The following COA7 variants were observed in gnomAD, a reference collection of about 807,000 sequenced individuals.
The protein encoded by COA7 is cytochrome c oxidase assembly factor 7, also known as Sel1 repeat containing 1.
In COA7, 12 loss-of-function variants were observed where a neutral mutation model predicts 21.0. The observed-to-expected ratio is 0.57, with a 90% CI of 0.37 to 0.92. COA7 has a LOEUF of 0.92. Among genes scored for constraint, COA7 ranks in the 40% least tolerant of loss-of-function variants. COA7 has a pLI of 0.01. For synonymous variants in COA7, 95 were observed against 107.4 expected (o/e 0.88, Z 0.72); for missense variants, 240 against 286.1 (o/e 0.84, Z 1.16).
At chr1:52,688,260 TG>T (rs1396937566) in intron 2 of COA7, 92 bp from the exon 3 acceptor site, 1 of 957,086 alleles carries the variant, frequency 1.0e-6, no homozygotes, top group Non-Finnish European at 1.5e-6. Context: ...TTTTTTTTTT[TG>T]GAGAAAGGGT....
chr1:52,692,961 G>A, intron 1 of COA7, 94 bp from the exon 2 acceptor site: 1 of 1,383,058 alleles, frequency 7.2e-7, no homozygotes, highest in Non-Finnish European at 1.0e-6. Flanking sequence ...TGGCAGGCCA[G>A]GTGATGTCTT....
At position 52,687,860 on chromosome 1, in the gene COA7, C is replaced by A; in HGVS notation, c.556G>T (p.Ala186Ser). The change falls in exon 3 of 3, where the codon GCC becomes TCC. Residue 186 changes from alanine to serine, a missense_variant. This residue lies in a region of COA7 where 163 missense variants were observed against 214.1 expected (regional missense o/e 0.76). Coordinates refer to ENST00000371538, the MANE Select transcript of COA7 (RefSeq NM_023077.3). ...MKACDLGHIW[A>S]CANASRMYKL... is the part of the protein sequence containing the mutation. ...TACATGCGACTGGCATTGGCACAGG[C>A]CCAGATATGACCCAGGTCACAGGCT... is the stretch of plus-strand genomic sequence containing the variant. 6.2e-7 allele frequency: 1 copy of A among 1,614,250 alleles called. No homozygotes were observed. Among genetic ancestry groups the A allele is most frequent in the South Asian group, 1.1e-5 (1 of 91,090 alleles).
intron 2 of COA7, among the ~76,000 whole-genome samples, chr1:52,688,893 C>G (rs188339146): frequency 4.9e-4 from 74 of 152,194 alleles, no homozygotes; most frequent in Admixed American, 1.0e-3. Context: ...ATGACAAGCA[C>G]TTAATTGTTT....
intron 1 of COA7, among the ~76,000 whole-genome samples, chr1:52,695,073 C>T (rs964276447): frequency 6.6e-6 from 1 of 151,908 alleles, no homozygotes; most frequent in Non-Finnish European, 1.5e-5. Context: ...GCGGGTAGAT[C>T]ACTCGAGGTC....
In COA7 at chr1:52,687,959, G is replaced by A. The variant is rs774185486; in HGVS notation, c.457C>T (p.Leu153Phe). 7 of 1,614,196 alleles carry A rather than the reference G, an allele frequency of 4.3e-6. No homozygotes were observed. Among genetic ancestry groups the A allele is most frequent in the Non-Finnish European group, 5.9e-6 (7 of 1,180,048 alleles). Residue 153 changes from leucine to phenylalanine, a missense_variant, in exon 3 of 3, where the codon CTC becomes TTC. Physicochemically the swap from Leu to Phe is conservative, Grantham distance 22 (BLOSUM62 0). Coordinates refer to ENST00000371538, the MANE Select transcript of COA7 (RefSeq NM_023077.3). ...DGGYTSSCFN[L>F]SAMFLQGAPG... is the part of the protein sequence containing the mutation. ...GCACCCTGCAGGAACATGGCACTGA[G>A]GTTGAAGCAACTGGAAGTATAGCCA...
At chr1:52,689,293 T>A (rs1482823293) in intron 2 of COA7, among the ~76,000 whole-genome samples, 1 of 151,744 alleles carries the variant, frequency 6.6e-6, no homozygotes, top group Non-Finnish European at 1.5e-5. Flanking sequence ...AATGCTGGGA[T>A]TACAGGTGCA....
At chr1:52,692,906 G>A (rs774874011) in intron 1 of COA7, 39 bp from the exon 2 acceptor site, 2 of 1,611,804 alleles carry the variant, frequency 1.2e-6, no homozygotes, top group South Asian at 1.1e-5. Flanking sequence ...CATGTCTGGG[G>A]CTGCTGCTCG....
At chr1:52,692,618 C>A (rs1482802684) in intron 2 of COA7, 109 bp downstream of exon 2, 1 of 1,260,360 alleles carries the variant, frequency 7.9e-7, no homozygotes, top group Non-Finnish European at 1.1e-6. Context: ...TCCTACAATG[C>A]ACTTTCCCAA....
rs1644057048 is a variant in COA7, at chr1:52,692,791, G to A, written c.183C>T (p.Asn61=). The A allele has an allele frequency of 6.2e-7, 1 of 1,614,052 alleles. No homozygotes were observed. The highest frequency in any genetic ancestry group is 8.5e-7 in the Non-Finnish European group (1 of 1,180,028). The change falls in exon 2 of 3, where the codon AAC becomes AAT. Residue 61 remains asparagine, a synonymous_variant. Coordinates refer to ENST00000371538, the MANE Select transcript of COA7 (RefSeq NM_023077.3). ...FDEAAKVLKF[N]CEENQHSDSC... ...TATCACTGTGCTGGTTCTCTTCACA[G>A]TTAAACTTCAACACCTTGGCAGCCT...
chr1:52,688,487 A>G (rs1274415345), intron 2 of COA7, among the ~76,000 whole-genome samples: 1 of 152,098 alleles, frequency 6.6e-6, no homozygotes, highest in Non-Finnish European at 1.5e-5. Flanking sequence ...GACTCAAGCG[A>G]TCCTCCCACC....
chr1:52,692,638 G>A (rs1038172382), intron 2 of COA7, 89 bp downstream of exon 2: 6 of 1,477,010 alleles, frequency 4.1e-6, no homozygotes, highest in South Asian at 3.6e-5. Context: ...ATGCCTGCGA[G>A]ACCCTTCTGC....
rs1244070589 is a variant in COA7 at position 52,696,665 on chromosome 1, C to CT, written c.106+1555dup. 8.5e-4 allele frequency among the ~76,000 whole-genome samples: 122 copies of CT among 143,656 alleles called. 1 individual carries two copies. The highest frequency in any genetic ancestry group is 1.5e-3 in the African/African-American group (58 of 39,450). The allele number at this position is 143,656 out of a possible 152,430, so 94.2% of individuals were successfully genotyped here. A position where few individuals can be genotyped will look rare whatever the true frequency, so the allele number is the denominator to read the frequency against. ...GGGCCAGTGCCACTTTTTTTCTTTT[C>CT]TTTTTTTTTTTAGTAGTGACAGGGT... On this transcript the variant is annotated intron_variant, in intron 1 of 2. Coordinates refer to ENST00000371538, the MANE Select transcript of COA7 (RefSeq NM_023077.3).
At chr1:52,691,618 C>T (rs764258311) in intron 2 of COA7, among the ~76,000 whole-genome samples, 8 of 151,726 alleles carry the variant, frequency 5.3e-5, no homozygotes, top group East Asian at 1.9e-4. Flanking sequence ...ATTACAGGTG[C>T]GCGCCACCAC....
chr1:52,694,461 G>GGAAAA lies in COA7; in HGVS notation c.107-1595_107-1594insTTTTC, dbSNP rs751466526. ...GGCAACAAGAGCAAAACTCCATCTC[G>GGAAAA]AAAAAAAAAAAAAAAAAAAAGCCCA... is the stretch of plus-strand genomic sequence containing the variant. On this transcript the variant is annotated intron_variant, in intron 1 of 2. Transcript: ENST00000371538. Among the ~76,000 whole-genome samples the GGAAAA allele has an allele frequency of 9.2e-5, 6 of 64,982 alleles. 1 individual carries two copies. The highest frequency in any genetic ancestry group is 1.1e-4 in the African/African-American group (2 of 18,176). The allele number at this position is 64,982 out of a possible 152,430, so 42.6% of individuals were successfully genotyped here.
In COA7 at chr1:52,687,973, GA is replaced by G; in HGVS notation, c.442del (p.Ser148ProfsTer29). On this transcript the variant is annotated frameshift_variant, in exon 3 of 3. Transcript: ENST00000371538. LOFTEE classifies it high-confidence loss of function. ...CATGGCACTGAGGTTGAAGCAACTG[GA>G]AGTATAGCCACCATCACAGGCCCTT... is the stretch of plus-strand genomic sequence containing the variant. ...YTRACDGGYTSSCFNLSAMFL... is the reference protein window; with the variant it reads ...YTRACDGGYTXSCFNLSAMFL... The G allele has an allele frequency of 6.2e-7, 1 of 1,614,182 alleles. No individual in the cohort carries two copies. Among genetic ancestry groups the G allele is most frequent in the Non-Finnish European group, 8.5e-7 (1 of 1,180,036 alleles).
intron 1 of COA7, among the ~76,000 whole-genome samples, chr1:52,697,107 T>C (rs1336965643): frequency 2.7e-5 from 4 of 149,672 alleles, no homozygotes; most frequent in Non-Finnish European, 5.9e-5. Flanking sequence ...AGACTCAGTC[T>C]CAAAAAAACA....
At chr1:52,692,181 A>G (rs542102110) in intron 2 of COA7, among the ~76,000 whole-genome samples, 1 of 152,348 alleles carries the variant, frequency 6.6e-6, no homozygotes, top group South Asian at 2.1e-4. Flanking sequence ...TGTCTTGACT[A>G]TAACCTCATG....
intron 2 of COA7, among the ~76,000 whole-genome samples, chr1:52,690,834 G>T (rs1644040133): frequency 6.6e-6 from 1 of 152,134 alleles, no homozygotes; most frequent in South Asian, 2.1e-4. Context: ...ATGGGGCCAG[G>T]CACGGTGGCT....
intron 2 of COA7, among the ~76,000 whole-genome samples, chr1:52,689,024 TA>T (rs1295766731): frequency 1.3e-5 from 2 of 152,082 alleles, no homozygotes; most frequent in African/African-American, 4.8e-5. Context: ...ATAGAACAAT[TA>T]TTTACTCAGT....
Sources: allele counts gnomAD v4.1 joint callset (sites outside exome capture counted in the v4.1 genomes callset), GRCh38; gene constraint gnomAD v4.1.1; regional missense constraint gnomAD v4.1.1; transcripts MANE v1.5; gene names NCBI Gene and HGNC (gene_info 2026-07-23, HGNC 2026-07-21).